Variants in RCL1 observed in about 807,000 individuals in gnomAD.
RCL1 encodes RNA terminal phosphate cyclase like 1, also known as RNA 3'-terminal phosphate cyclase-like protein.
In RCL1, 24 loss-of-function variants were observed where a neutral mutation model predicts 42.4. The ratio of observed to expected loss-of-function variants is 0.57; its 90% CI spans 0.41 to 0.80. RCL1 has a LOEUF of 0.80. Ranked by LOEUF, RCL1 falls within the 30% of genes least tolerant of loss-of-function variation. The pLI, the probability that RCL1 is intolerant of heterozygous loss-of-function variation, is 0.00. For missense variants in RCL1, 578 were observed against 467.9 expected (o/e 1.24, Z -2.17); for synonymous variants, 228 against 177.3 (o/e 1.29, Z -2.27).
chr9:4,819,192 G>A (rs1372476128), intron 1 of RCL1, among the ~76,000 whole-genome samples: 1 of 152,216 alleles, frequency 6.6e-6, no homozygotes, highest in African/African-American at 2.4e-5. Context: ...ATGGTTGAAG[G>A]ATGAAACTGT....
At chr9:4,858,705 G>A (rs1158914175) in intron 8 of RCL1, among the ~76,000 whole-genome samples, 2 of 151,818 alleles carry the variant, frequency 1.3e-5, no homozygotes, top group East Asian at 1.9e-4. Flanking sequence ...TGTGTTTAGC[G>A]TCAGTGTTTT....
chr9:4,818,297 T>C (rs1816466112), intron 1 of RCL1, among the ~76,000 whole-genome samples: 1 of 152,238 alleles, frequency 6.6e-6, no homozygotes. Flanking sequence ...TTTCTTTCTA[T>C]ACAATACATT....
At chr9:4,857,931 CTTTTTT>C (rs34470773) in intron 8 of RCL1, among the ~76,000 whole-genome samples, 2 of 103,046 alleles carry the variant, frequency 1.9e-5, no homozygotes, top group African/African-American at 3.9e-5. Flanking sequence ...AGCTCTCCCA[CTTTTTT>C]TTTTTTTTTT....
Position 4,844,595 on chromosome 9 carries a change from T to A in RCL1, c.781T>A (p.Ser261Thr). 6.2e-7 allele frequency: 1 copy of A among 1,614,080 alleles called. No individual in the cohort carries two copies. The highest frequency in any genetic ancestry group is 8.5e-7 in the Non-Finnish European group (1 of 1,179,966). The change falls in exon 7 of 9, where the codon TCC (serine) becomes ACC (threonine). Residue 261 changes from serine (S) to threonine (T), a missense_variant. By Grantham distance (58) the Ser-to-Thr change is moderately conservative (BLOSUM62 1). Transcript: ENST00000381750. ...CACCTTCCTCAGTGCTGAACTGGCC[T>A]CCAACCCCCAGGGCCAGGGAGCAGC... ...SGTFLSAELASNPQGQGAAVL... is the reference protein window; with the variant it reads ...SGTFLSAELATNPQGQGAAVL...
rs751592605 is a variant in RCL1 at position 4,849,505 on chromosome 9, A to C, written c.926A>C (p.Gln309Pro). Reference sequence around the variant, plus strand: ...GCGCTACTACTCATGACCCTTGGACAGCAGGATGTTTCCAAAGTCCTGCTA... The same window carrying C: ...GCGCTACTACTCATGACCCTTGGACCGCAGGATGTTTCCAAAGTCCTGCTA... ...SLALLLMTLG[Q>P]QDVSKVLLGP... The change falls in exon 8 of 9, where the codon CAG (glutamine) becomes CCG (proline). Residue 309 changes from glutamine (Q) to proline (P), a missense_variant. Transcript: ENST00000381750. The C allele has an allele frequency of 6.2e-7, 1 of 1,613,968 alleles. No homozygotes were observed. Among genetic ancestry groups the C allele is most frequent in the Non-Finnish European group, 8.5e-7 (1 of 1,179,970 alleles).
intron 2 of RCL1, 21 bp from the exon 3 acceptor site, chr9:4,826,837 C>G (rs201728659): frequency 3.8e-5 from 60 of 1,580,266 alleles, no homozygotes; most frequent in Non-Finnish European, 4.8e-5. Context: ...CTGAATGTGG[C>G]TCTTTTTCTT....
chr9:4,799,411 C>G (rs928146081), intron 1 of RCL1, among the ~76,000 whole-genome samples: 1 of 152,100 alleles, frequency 6.6e-6, no homozygotes, highest in Non-Finnish European at 1.5e-5. Flanking sequence ...CCAGTTTCCC[C>G]CAATGGTGAT....
intron 1 of RCL1, among the ~76,000 whole-genome samples, chr9:4,797,619 G>C (rs549317125): frequency 6.6e-6 from 1 of 152,164 alleles, no homozygotes; most frequent in Non-Finnish European, 1.5e-5. Context: ...CCACAACAAA[G>C]AATTATCCAT....
chr9:4,860,034 G>C (rs1023083314), intron 8 of RCL1, 91 bp from the exon 9 acceptor site: 4 of 863,676 alleles, frequency 4.6e-6, no homozygotes, highest in African/African-American at 3.4e-5. Context: ...CTAGGTCTGG[G>C]AGATTAAAAC....
At chr9:4,859,913 T>G (rs891192060) in intron 8 of RCL1, among the ~76,000 whole-genome samples, 1 of 152,200 alleles carries the variant, frequency 6.6e-6, no homozygotes, top group African/African-American at 2.4e-5. Context: ...TAATTTATCT[T>G]GCTGTATTGC....
chr9:4,858,225 G>T (rs1818030552), intron 8 of RCL1, among the ~76,000 whole-genome samples: 1 of 152,076 alleles, frequency 6.6e-6, no homozygotes, highest in African/African-American at 2.4e-5. Flanking sequence ...TGAGTTGTAA[G>T]AGTTGTTTAT....
chr9:4,826,587 C>T (rs1249941861), intron 2 of RCL1, among the ~76,000 whole-genome samples: 2 of 152,172 alleles, frequency 1.3e-5, no homozygotes, highest in Non-Finnish European at 2.9e-5. Flanking sequence ...CTTTTCTGTG[C>T]CCTGCCATGA....
intron 2 of RCL1, among the ~76,000 whole-genome samples, chr9:4,825,230 A>G (rs889463462): frequency 6.6e-6 from 1 of 152,146 alleles, no homozygotes; most frequent in Admixed American, 6.6e-5. Flanking sequence ...TTGAGGAGTA[A>G]GACATTTACA....
intron 1 of RCL1, among the ~76,000 whole-genome samples, chr9:4,813,608 G>A (rs199849942): frequency 1.3e-5 from 2 of 152,174 alleles, no homozygotes; most frequent in Non-Finnish European, 2.9e-5. Context: ...AACTAGTTCA[G>A]CCATTGTGGA....
chr9:4,800,043 T>A lies in RCL1; in HGVS notation c.136+6816T>A, dbSNP rs902437305. On this transcript the variant is annotated intron_variant, in intron 1 of 8. Coordinates refer to ENST00000381750, the MANE Select transcript of RCL1 (RefSeq NM_005772.5). Reference sequence around the variant, plus strand: ...TCAGTCAGCATGATTCTCTGGAGATTTATCTAAGATGTTTTTATCAAGTTT... The same window carrying A: ...TCAGTCAGCATGATTCTCTGGAGATATATCTAAGATGTTTTTATCAAGTTT... 2.1e-4 allele frequency among the ~76,000 whole-genome samples: 32 copies of A among 152,174 alleles called. 1 individual carries two copies. The highest frequency in any genetic ancestry group is 7.0e-4 in the African/African-American group (29 of 41,452).
intron 1 of RCL1, among the ~76,000 whole-genome samples, chr9:4,816,242 G>A (rs1327814449): frequency 6.6e-6 from 1 of 152,082 alleles, no homozygotes; most frequent in African/African-American, 2.4e-5. Context: ...TTCTGGATAT[G>A]TTAAAGGATT....
intron 1 of RCL1, among the ~76,000 whole-genome samples, chr9:4,807,069 A>C (rs1364021034): frequency 1.3e-5 from 2 of 152,192 alleles, no homozygotes; most frequent in African/African-American, 4.8e-5. Context: ...TGATGTCTGC[A>C]GGATCTGTAG....
At chr9:4,825,207 C>G (rs1397518332) in intron 2 of RCL1, among the ~76,000 whole-genome samples, 1 of 151,994 alleles carries the variant, frequency 6.6e-6, no homozygotes, top group Admixed American at 6.6e-5. Flanking sequence ...TCTAGTCATA[C>G]TGGCAATGTA....
intron 1 of RCL1, among the ~76,000 whole-genome samples, chr9:4,800,180 GGCT>G (rs1225375877): frequency 2.0e-5 from 3 of 151,868 alleles, no homozygotes; most frequent in Non-Finnish European, 4.4e-5. Context: ...TCTCGAATAA[GGCT>G]GCTATAAAAA....
Sources: allele counts gnomAD v4.1 joint callset (sites outside exome capture counted in the v4.1 genomes callset), GRCh38; gene constraint gnomAD v4.1.1; transcripts MANE v1.5; gene names NCBI Gene and HGNC (gene_info 2026-07-23, HGNC 2026-07-21).